The following RBFOX1 variants were observed in gnomAD, a reference collection of about 807,000 sequenced individuals.
The protein encoded by RBFOX1 is RNA binding protein fox-1 homolog 1.
RBFOX1 carries 8 observed loss-of-function variants against 57.7 expected under a neutral mutation model. The observed-to-expected ratio is 0.14, with a 90% CI of 0.08 to 0.25. RBFOX1 has a LOEUF of 0.25. Among genes scored for constraint, RBFOX1 ranks in the 10% least tolerant of loss-of-function variants. RBFOX1 has a pLI of 1.00. For missense variants in RBFOX1, 611 were observed against 548.5 expected (o/e 1.11, Z -1.14); for synonymous variants, 326 against 222.4 (o/e 1.47, Z -4.15).
rs200400443 is a variant in RBFOX1 at position 5,424,815 on chromosome 16, TCTC to T, written c.220-42397_220-42395del. ...CAGGCTCATGGTGTCTGTTTTCTCT[TCTC>T]CTCTCCTCTCCTCTCTTTCTTTCTT... On this transcript the variant is annotated intron_variant, in intron 1 of 2. Transcript: ENST00000585867. Among the ~76,000 whole-genome samples the T allele has an allele frequency of 1.7e-3, 243 of 143,058 alleles. 5 individuals carry two copies. The East Asian group carries it at 0.032, about 19-fold the overall frequency. The allele number at this position is 143,058 out of a possible 152,430, so 93.9% of individuals were successfully genotyped here. A position where few individuals can be genotyped will look rare whatever the true frequency, so the allele number is the denominator to read the frequency against.
chr16:5,840,112 C>G (rs1597449704), intron 3 of RBFOX1, among the ~76,000 whole-genome samples: 1 of 152,312 alleles, frequency 6.6e-6, no homozygotes, highest in Middle Eastern at 3.4e-3. Context: ...TCCTCAATTT[C>G]TCTGCATCCA....
chr16:7,610,383 T>A (rs1178489037), intron 10 of RBFOX1, among the ~76,000 whole-genome samples: 2 of 147,050 alleles, frequency 1.4e-5, no homozygotes, highest in Admixed American at 6.7e-5. Context: ...GTTTATTTAT[T>A]TTTTTTTTTA....
intron 4 of RBFOX1, among the ~76,000 whole-genome samples, chr16:7,493,780 T>C (rs1338863877): frequency 1.3e-5 from 2 of 152,180 alleles, no homozygotes; most frequent in Admixed American, 1.3e-4. Context: ...AAATCAGAAC[T>C]AAAAGAGAAT....
intron 3 of RBFOX1, among the ~76,000 whole-genome samples, chr16:6,775,021 A>G (rs537491896): frequency 6.6e-6 from 1 of 152,198 alleles, no homozygotes; most frequent in Non-Finnish European, 1.5e-5. Flanking sequence ...TATCTTATAT[A>G]ACATACCTAA....
At chr16:6,402,308 G>C (rs1022787185) in intron 2 of RBFOX1, among the ~76,000 whole-genome samples, 2 of 152,162 alleles carry the variant, frequency 1.3e-5, no homozygotes, top group Non-Finnish European at 2.9e-5. Flanking sequence ...GGCGACCATA[G>C]TAGAGAACTG....
rs145597304 is a variant in RBFOX1 at position 7,099,505 on chromosome 16, C to T, written c.27+47407C>T. ...TTTATATTCTTCTCTTCTCCTATTA[C>T]TTATAAACCAACAAGTATCTGAGAC... On this transcript the variant is annotated intron_variant, in intron 4 of 15. Coordinates refer to ENST00000550418, the MANE Select transcript of RBFOX1 (RefSeq NM_018723.4). Among the ~76,000 whole-genome samples the T allele has an allele frequency of 4.7e-3, 721 of 152,270 alleles. 7 individuals are homozygous for T. Among genetic ancestry groups the T allele is most frequent in the African/African-American group, 0.016 (660 of 41,562 alleles).
intron 1 of RBFOX1, among the ~76,000 whole-genome samples, chr16:6,287,597 A>G (rs1452865168): frequency 2.0e-5 from 3 of 152,180 alleles, no homozygotes; most frequent in African/African-American, 4.8e-5. Flanking sequence ...TTTAGTAAAC[A>G]TTTGATGAAT....
chr16:5,946,904 A>G lies in RBFOX1; in HGVS notation c.351+79569A>G, dbSNP rs1247166909. On this transcript the variant is annotated intron_variant, in intron 4 of 19. Coordinates refer to the RBFOX1 transcript ENST00000641259. The surrounding 1 kb of genome is among the most constrained non-coding windows in gnomAD (Gnocchi z 4.6). ...GTAGAGGTATGCTGCTTGAGTGGAG[A>G]AACAGAGTTTTCTCTGTTAGAAGAA... is the stretch of plus-strand genomic sequence containing the variant. Among the ~76,000 whole-genome samples, 1 of 152,064 alleles carries G rather than the reference A, an allele frequency of 6.6e-6. No individual in the cohort carries two copies. Among genetic ancestry groups the G allele is most frequent in the African/African-American group, 2.4e-5 (1 of 41,384 alleles).
At chr16:7,530,440 G>A (rs569883752) in intron 5 of RBFOX1, among the ~76,000 whole-genome samples, 2 of 151,812 alleles carry the variant, frequency 1.3e-5, no homozygotes, top group South Asian at 4.2e-4. Flanking sequence ...ATCCTATTTT[G>A]GTTCCTAGCC....
chr16:5,330,929 C>T (rs1037578181), intron 1 of RBFOX1, among the ~76,000 whole-genome samples: 1 of 152,052 alleles, frequency 6.6e-6, no homozygotes, highest in Non-Finnish European at 1.5e-5. Flanking sequence ...TTTCCCTTCT[C>T]AGAACAGGGA....
intron 1 of RBFOX1, among the ~76,000 whole-genome samples, chr16:6,036,306 A>C (rs1406769602): frequency 6.6e-6 from 1 of 152,214 alleles, no homozygotes; most frequent in Non-Finnish European, 1.5e-5. Flanking sequence ...CATGGAGGCC[A>C]GGCTGCTCTG....
chr16:7,341,851 C>T (rs1419571695), intron 4 of RBFOX1, among the ~76,000 whole-genome samples: 1 of 149,064 alleles, frequency 6.7e-6, no homozygotes, highest in Non-Finnish European at 1.5e-5. Flanking sequence ...AAGATGACAG[C>T]AGGAGCTCCT....
At chr16:7,377,028 A>C (rs2097697577) in intron 4 of RBFOX1, among the ~76,000 whole-genome samples, 1 of 152,192 alleles carries the variant, frequency 6.6e-6, no homozygotes, top group South Asian at 2.1e-4. Flanking sequence ...GTCCCTGTAA[A>C]GATTTCTTCA....
intron 2 of RBFOX1, among the ~76,000 whole-genome samples, chr16:6,574,160 A>G (rs560040651): frequency 1.3e-5 from 2 of 152,196 alleles, no homozygotes; most frequent in East Asian, 1.9e-4. Flanking sequence ...GCCTTGCGAT[A>G]TATTATTGGT....
intron 3 of RBFOX1, among the ~76,000 whole-genome samples, chr16:6,778,102 T>A (rs1355857708): frequency 6.6e-6 from 1 of 152,088 alleles, no homozygotes; most frequent in Non-Finnish European, 1.5e-5. Flanking sequence ...GATGCACTGT[T>A]GCGAATACAT....
chr16:6,904,587 T>G (rs1404809300), intron 3 of RBFOX1, among the ~76,000 whole-genome samples: 1 of 110,062 alleles, frequency 9.1e-6, no homozygotes, highest in Non-Finnish European at 1.7e-5. Context: ...GGTGACAGAG[T>G]GAGACTCTCT....
intron 3 of RBFOX1, among the ~76,000 whole-genome samples, chr16:6,669,536 T>C (rs62017896): frequency 0.065 from 9,863 of 152,262 alleles, 371 homozygotes; most frequent in Non-Finnish European, 0.07. Flanking sequence ...GTTTAAGATA[T>C]ACAGCTTGAC....
At chr16:5,574,804 G>C (rs1462862727) in intron 2 of RBFOX1, among the ~76,000 whole-genome samples, 1 of 152,128 alleles carries the variant, frequency 6.6e-6, no homozygotes, top group Non-Finnish European at 1.5e-5. Context: ...GTGAACTCTG[G>C]AAAGGCATTA....
At chr16:7,635,912 A>T (rs1234118567) in intron 11 of RBFOX1, among the ~76,000 whole-genome samples, 1 of 152,030 alleles carries the variant, frequency 6.6e-6, no homozygotes, top group Non-Finnish European at 1.5e-5. Context: ...CTGGGTTCAC[A>T]CCATTCTCCT....
Sources: gnomAD v4.1 joint callset for allele counts (sites outside exome capture counted in the v4.1 genomes callset) on GRCh38, gnomAD v4.1.1 for gene constraint, Gnocchi (gnomAD v3.1) non-coding constraint, MANE v1.5 for transcripts, NCBI Gene and HGNC (gene_info 2026-07-23, HGNC 2026-07-21) for gene names.